The following ACAN variants were observed in gnomAD, a reference collection of about 807,000 sequenced individuals.
The protein encoded by ACAN is aggrecan, also known as aggrecan core protein.
ACAN carries 47 observed loss-of-function variants against 169.1 expected under a neutral mutation model. The ratio of observed to expected loss-of-function variants is 0.28; its 90% CI spans 0.22 to 0.35. ACAN has a LOEUF of 0.35. ACAN is among the 10% of genes least tolerant of loss of function. The probability of loss-of-function intolerance (pLI) is 1.00; values close to 1 mark genes in which losing one functional copy is unlikely to be tolerated. For synonymous variants in ACAN, 1,115 were observed against 1,112.2 expected, an observed-to-expected ratio of 1.00 and a Z score of -0.05; for missense variants, 2,716 against 2,759.9, an observed-to-expected ratio of 0.98 and a Z score of 0.36.
intron 13 of ACAN, among the ~76,000 whole-genome samples, chr15:88,865,020 G>A (rs139204148): frequency 2.0e-5 from 3 of 152,312 alleles, no homozygotes; most frequent in Admixed American, 6.5e-5. Context: ...TCTTTTCAAG[G>A]TGGAGGCCTG....
chr15:88,850,984 T>A (rs1896917887), intron 10 of ACAN: 1 of 150,018 alleles, frequency 6.7e-6, no homozygotes, highest in African/African-American at 2.5e-5. Context: ...CCAGCCTCAA[T>A]AAGTCAAGTC....
At chr15:88,841,076 T>C (rs913600031) in intron 4 of ACAN, among the ~76,000 whole-genome samples, 6 of 151,778 alleles carry the variant, frequency 4.0e-5, no homozygotes, top group East Asian at 3.9e-4. Flanking sequence ...ACCCGGGAGG[T>C]GGAGCTTGCA....
chr15:88,807,745 G>GGTGT lies in ACAN; in HGVS notation c.-8+3937_-8+3938insTGTG, dbSNP rs1390661917. 8.0e-5 allele frequency among the ~76,000 whole-genome samples: 5 copies of GGTGT among 62,602 alleles called. No homozygotes were observed. Among genetic ancestry groups the GGTGT allele is most frequent in the Non-Finnish European group, 1.7e-4 (5 of 29,694 alleles). 41.1% of individuals were successfully genotyped at this position (62,602 alleles called of 152,430 possible). A position where few individuals can be genotyped will look rare whatever the true frequency, so the allele number is the denominator to read the frequency against. The stretch of plus-strand genomic sequence containing the variant: ...AACTCAGAGCCTCCTTATAAGTGGT[G>GGTGT]GAGTGTGTGTGTGTGTGTGTGTGTG... On this transcript the variant is annotated intron_variant, in intron 1 of 18. Transcript: ENST00000560601. The surrounding 1 kb of genome is among the most constrained non-coding windows in gnomAD (Gnocchi z 4.0).
At chr15:88,845,439 A>G in intron 6 of ACAN, 66 bp from the exon 7 acceptor site, 5 of 1,532,698 alleles carry the variant, frequency 3.3e-6, no homozygotes, top group Admixed American at 1.9e-5. Flanking sequence ...TCTCCAGCCC[A>G]CTCCTCATCC....
At chr15:88,847,458 A>C in intron 8 of ACAN, 41 bp downstream of exon 8, 1 of 1,509,028 alleles carries the variant, frequency 6.6e-7, no homozygotes, top group Non-Finnish European at 8.9e-7. Flanking sequence ...CCAATTGAAG[A>C]GGTCAGGCTT....
chr15:88,857,335 G>A lies in ACAN; in HGVS notation c.4750G>A (p.Glu1584Lys), dbSNP rs371634636. The A allele has an allele frequency of 6.2e-7, 1 of 1,613,960 alleles. No individual in the cohort carries two copies. The highest frequency in any genetic ancestry group is 8.5e-7 in the Non-Finnish European group (1 of 1,179,896). ...EGLETSASGA[E>K]DLSGLPSGKE... ...TCTAGAGACTTCAGCTTCTGGAGCTGAGGACCTCAGTGGGTTGCCTTCTGG... is the reference window on the plus strand; with the variant it reads ...TCTAGAGACTTCAGCTTCTGGAGCTAAGGACCTCAGTGGGTTGCCTTCTGG... The change falls in exon 12 of 19, where the codon GAG (glutamate) becomes AAG (lysine). Residue 1584 changes from glutamate to lysine, a missense_variant. By Grantham distance (56) the Glu-to-Lys change is moderately conservative. Around this residue, in one of 3 missense-constraint regions of ACAN, gnomAD observed 1,389 missense variants for 1,363.7 expected, o/e 1.02. Coordinates refer to ENST00000560601, the MANE Select transcript of ACAN (RefSeq NM_001369268.1).
At chr15:88,859,943 A>T (rs138351276) in intron 12 of ACAN, among the ~76,000 whole-genome samples, 2 of 152,036 alleles carry the variant, frequency 1.3e-5, no homozygotes, top group African/African-American at 2.4e-5. Context: ...TCATTTGGCT[A>T]TCTGGTTTTA....
chr15:88,874,241 A>T lies in ACAN; in HGVS notation c.7631-164A>T, dbSNP rs1178311919. ...GCTCACTTGGAGGATGAAGGAGAAAAAGCCAGAAAGTCCAAGAAAAATCCA... is the reference window on the plus strand; with the variant it reads ...GCTCACTTGGAGGATGAAGGAGAAATAGCCAGAAAGTCCAAGAAAAATCCA... On this transcript the variant is annotated intron_variant, in intron 18 of 18. Coordinates refer to ENST00000560601, the MANE Select transcript of ACAN (RefSeq NM_001369268.1). The surrounding 1 kb of genome is among the most constrained non-coding windows in gnomAD (Gnocchi z 7.3). Among the ~76,000 whole-genome samples the T allele has an allele frequency of 7.2e-5, 11 of 152,160 alleles. No individual in the cohort carries two copies. Among genetic ancestry groups the T allele is most frequent in the Non-Finnish European group, 1.5e-5 (1 of 68,028 alleles).
chr15:88,866,393 GCC>G lies in ACAN; in HGVS notation c.6947-1822_6947-1821del, dbSNP rs1897280920. 2.0e-5 allele frequency among the ~76,000 whole-genome samples: 3 copies of G among 152,158 alleles called. No homozygotes were observed. The highest frequency in any genetic ancestry group is 2.9e-5 in the Non-Finnish European group (2 of 68,036). On this transcript the variant is annotated intron_variant, in intron 13 of 18. Transcript: ENST00000560601. This position sits in a 1 kb window ranked among gnomAD's most constrained non-coding sequence, Gnocchi z 5.6. ...TGGATAAAAGAGAACAGGCAGGAGA[GCC>G]GCCCCCAGCTTCCGCCCTGCCGACT... is the stretch of plus-strand genomic sequence containing the variant.
At chr15:88,827,954 G>C (rs2141535253) in intron 1 of ACAN, among the ~76,000 whole-genome samples, 1 of 152,272 alleles carries the variant, frequency 6.6e-6, no homozygotes, top group Non-Finnish European at 1.5e-5. Flanking sequence ...ACCAGGGCCT[G>C]CTCCCACCCT....
Position 88,871,986 on chromosome 15 carries a change from C to T in ACAN, c.7220-17C>T. ...GGGTGTCCAGTGTGATGCCTGACACCCTCACCCTTTCCCCAGACAATGCCC... is the reference window on the plus strand; with the variant it reads ...GGGTGTCCAGTGTGATGCCTGACACTCTCACCCTTTCCCCAGACAATGCCC... On this transcript the variant is annotated splice_polypyrimidine_tract_variant and intron_variant, in intron 15 of 18. Coordinates refer to ENST00000560601, the MANE Select transcript of ACAN (RefSeq NM_001369268.1). This position sits in a 1 kb window ranked among gnomAD's most constrained non-coding sequence, Gnocchi z 7.8. 2 of 1,610,642 alleles carry T rather than the reference C, an allele frequency of 1.2e-6. No homozygotes were observed. The highest frequency in any genetic ancestry group is 2.2e-5 in the South Asian group (2 of 91,020).
chr15:88,847,282 C>G lies in ACAN; in HGVS notation c.1469C>G (p.Ser490Trp), dbSNP rs117116488. The G allele has an allele frequency of 1.3e-6, 2 of 1,568,924 alleles. No individual in the cohort carries two copies. The highest frequency in any genetic ancestry group is 8.6e-7 in the Non-Finnish European group (1 of 1,158,358). ...TACCGCCCGGGACCCACCCGCTACT[C>G]GCTGACCTTTGAGGAGGCACAGCAG... The part of the protein sequence containing the change: ...FHYRPGPTRY[S>W]LTFEEAQQAC... Residue 490 changes from serine (S) to tryptophan (W), a missense_variant, in exon 8 of 19, where the codon TCG (serine) becomes TGG (tryptophan). By Grantham distance (177) the Ser-to-Trp change is radical (BLOSUM62 -3). Coordinates refer to ENST00000560601, the MANE Select transcript of ACAN (RefSeq NM_001369268.1).
At position 88,858,130 on chromosome 15, in the gene ACAN, G is replaced by A. The variant is rs1596147127; in HGVS notation, c.5545G>A (p.Gly1849Ser). 3 of 1,613,874 alleles carry A rather than the reference G, an allele frequency of 1.9e-6. No homozygotes were observed. Among genetic ancestry groups the A allele is most frequent in the Non-Finnish European group, 2.5e-6 (3 of 1,179,900 alleles). The stretch of plus-strand genomic sequence containing the variant: ...CCCTACTACATTTAAAGAAGAAGAA[G>A]GCTTAGGGTCTGTGGAACTCAGTGG... Reference protein sequence around the residue: ...VAPTTFKEEEGLGSVELSGLP... With the variant: ...VAPTTFKEEESLGSVELSGLP... The change falls in exon 12 of 19, where the codon GGC (glycine) becomes AGC (serine). Residue 1849 changes from glycine (G) to serine (S), a missense_variant. Transcript: ENST00000560601. This position sits in a 1 kb window ranked among gnomAD's most constrained non-coding sequence, Gnocchi z 4.0.
chr15:88,820,531 A>G (rs1896050500), intron 1 of ACAN, among the ~76,000 whole-genome samples: 1 of 152,032 alleles, frequency 6.6e-6, no homozygotes, highest in African/African-American at 2.4e-5. Flanking sequence ...ATGCTACACC[A>G]CTTGGACCTG....
rs763856792 is a variant in ACAN at position 88,847,583 on chromosome 15, C to T, written c.1604+166C>T. Reference sequence around the variant, plus strand: ...ATCCCGAAAGGGTGGTGAAGGGCACCGAGTAATGTTCAGTTCTTGGTCATT... The same window carrying T: ...ATCCCGAAAGGGTGGTGAAGGGCACTGAGTAATGTTCAGTTCTTGGTCATT... On this transcript the variant is annotated intron_variant, in intron 8 of 18. Transcript: ENST00000560601. 3.0e-4 allele frequency among the ~76,000 whole-genome samples: 46 copies of T among 152,154 alleles called. 1 individual carries two copies. The highest frequency in any genetic ancestry group is 5.9e-5 in the Non-Finnish European group (4 of 68,018).
intron 13 of ACAN, among the ~76,000 whole-genome samples, chr15:88,864,339 C>T (rs985280593): frequency 6.6e-6 from 1 of 151,862 alleles, no homozygotes; most frequent in African/African-American, 2.4e-5. Context: ...ACAATCTCCC[C>T]TCACTGCAAG....
At chr15:88,848,288 A>C (rs1896845388) in intron 9 of ACAN, among the ~76,000 whole-genome samples, 1 of 152,258 alleles carries the variant, frequency 6.6e-6, no homozygotes, top group Non-Finnish European at 1.5e-5. Flanking sequence ...GTCCCTTTAA[A>C]AAGCAATGAG....
chr15:88,842,628 C>G (rs1339669022), intron 5 of ACAN, among the ~76,000 whole-genome samples: 1 of 152,170 alleles, frequency 6.6e-6, no homozygotes, highest in Non-Finnish European at 1.5e-5. Flanking sequence ...CCATCGTAGG[C>G]CCCCTGCCGC....
chr15:88,859,522 C>T, intron 12 of ACAN, 105 bp downstream of exon 12: 1 of 1,473,602 alleles, frequency 6.8e-7, no homozygotes, highest in Non-Finnish European at 9.3e-7. Context: ...AGAACAACTC[C>T]ACCAAAGGTT....
Sources: allele counts gnomAD v4.1 joint callset (sites outside exome capture counted in the v4.1 genomes callset), GRCh38; gene constraint gnomAD v4.1.1; regional missense constraint gnomAD v4.1.1; non-coding constraint Gnocchi (gnomAD v3.1); transcripts MANE v1.5; gene names NCBI Gene and HGNC (gene_info 2026-07-23, HGNC 2026-07-21).